ARHGEF33: variants seen among roughly 807,000 people sequenced by gnomAD.
ARHGEF33 encodes DH and coiled-coil domain-containing protein ENSP00000381780.
In ARHGEF33, 72 loss-of-function variants were observed where a neutral mutation model predicts 101.9. That is an observed-to-expected ratio of 0.71 (90% CI 0.58 to 0.86). The LOEUF is 0.86. ARHGEF33 is among the 40% of genes least tolerant of loss of function. The pLI is 0.00. For missense variants in ARHGEF33, 1,169 were observed against 1,111.3 expected (o/e 1.05, Z -0.74); for synonymous variants, 499 against 442.5 (o/e 1.13, Z -1.60).
At chr2:38,903,318 T>G (rs1022070239) in intron 2 of ARHGEF33, among the ~76,000 whole-genome samples, 1 of 152,134 alleles carries the variant, frequency 6.6e-6, no homozygotes, top group African/African-American at 2.4e-5. Flanking sequence ...ACATCCAGAT[T>G]TATATCACAC....
At chr2:38,904,689 C>T (rs140732207) in intron 2 of ARHGEF33, among the ~76,000 whole-genome samples, 39 of 128,588 alleles carry the variant, frequency 3.0e-4, no homozygotes, top group African/African-American at 1.0e-3. Context: ...GCCAGGGAGA[C>T]GGAGCGAGAC....
intron 2 of ARHGEF33, among the ~76,000 whole-genome samples, chr2:38,916,858 T>C (rs183063751): frequency 1.3e-5 from 2 of 150,898 alleles, no homozygotes; most frequent in Non-Finnish European, 2.9e-5. Flanking sequence ...AGGAGTACAA[T>C]GGCACGAGCT....
At chr2:38,894,503 CAAA>C (rs1666078545) in intron 1 of ARHGEF33, among the ~76,000 whole-genome samples, 1 of 151,444 alleles carries the variant, frequency 6.6e-6, no homozygotes, top group Non-Finnish European at 1.5e-5. Flanking sequence ...AACAAACAAA[CAAA>C]CAAGCCCACA....
At chr2:38,922,916 A>C (rs1299490350) in intron 4 of ARHGEF33, among the ~76,000 whole-genome samples, 1 of 152,064 alleles carries the variant, frequency 6.6e-6, no homozygotes, top group African/African-American at 2.4e-5. Context: ...GAAGCAAAAA[A>C]CTGGTCTTCA....
intron 2 of ARHGEF33, among the ~76,000 whole-genome samples, chr2:38,910,343 G>C (rs1410765613): frequency 6.6e-6 from 1 of 152,232 alleles, no homozygotes; most frequent in Non-Finnish European, 1.5e-5. Flanking sequence ...GGCCAAGGCA[G>C]GTGGATTGCC....
chr2:38,945,960 T>C (rs1406402088), intron 10 of ARHGEF33, among the ~76,000 whole-genome samples: 1 of 152,202 alleles, frequency 6.6e-6, no homozygotes, highest in East Asian at 1.9e-4. Flanking sequence ...TGTGCTCTTA[T>C]ACATCATACC....
chr2:38,921,307 C>A, intron 3 of ARHGEF33, 67 bp from the exon 4 acceptor site: 1 of 946,440 alleles, frequency 1.1e-6, no homozygotes, highest in Non-Finnish European at 1.7e-6. Flanking sequence ...TTATTCCCTG[C>A]ATGTATCTGG....
At chr2:38,944,472 T>C (rs530886920) in intron 10 of ARHGEF33, among the ~76,000 whole-genome samples, 2 of 152,212 alleles carry the variant, frequency 1.3e-5, no homozygotes, top group East Asian at 3.9e-4. Flanking sequence ...ACACCCACCA[T>C]AGGCTCCACC....
At position 38,930,960 on chromosome 2, in the gene ARHGEF33, T is replaced by C. The variant is rs1666985758; in HGVS notation, c.363-149T>C. Reference sequence around the variant, plus strand: ...AGTTGAACCATATGAATTGCTAGTATTTGACCACTTTTAATTTTCAAAAAT... The same window carrying C: ...AGTTGAACCATATGAATTGCTAGTACTTGACCACTTTTAATTTTCAAAAAT... On this transcript the variant is annotated intron_variant, in intron 6 of 17. Coordinates refer to ENST00000409978, the MANE Select transcript of ARHGEF33 (RefSeq NM_001145451.5). The C allele has an allele frequency of 7.1e-6, 4 of 560,822 alleles. No individual in the cohort carries two copies. In the East Asian group the frequency reaches 1.2e-4, roughly 17 times the overall value. The allele number at this position is 560,822 out of a possible 1,614,324, so 34.7% of individuals were successfully genotyped here.
Position 38,927,402 on chromosome 2 carries a change from A to T in ARHGEF33, c.76-1505A>T, listed in dbSNP as rs1039007773. On this transcript the variant is annotated intron_variant, in intron 4 of 17. Transcript: ENST00000409978. ...ACTTTAGTTTTCATTCCTTTAAAGT[A>T]AAAATACTTGAGGCCGGGCACAGTG... Among the ~76,000 whole-genome samples, 3 of 152,230 alleles carry T rather than the reference A, an allele frequency of 2.0e-5. No homozygotes were observed. In the East Asian group the frequency reaches 5.8e-4, roughly 29 times the overall value.
intron 11 of ARHGEF33, among the ~76,000 whole-genome samples, chr2:38,952,721 C>T (rs746852621): frequency 1.9e-4 from 29 of 150,742 alleles, no homozygotes; most frequent in South Asian, 2.1e-4. Flanking sequence ...TTTTTTGAGC[C>T]GGAGTCTCAC....
chr2:38,942,005 AT>A (rs70954774), intron 9 of ARHGEF33, among the ~76,000 whole-genome samples: 7,493 of 147,978 alleles, frequency 0.051, 349 homozygotes, highest in African/African-American at 0.13. Flanking sequence ...ATGTCTTGGG[AT>A]TTTTTTTTTT....
rs1286292674 is a variant in ARHGEF33, at chr2:38,953,146, TG to T, written c.1054-15del. ...TTTTCAGGTTCTTACCATGCATTTT[TG>T]TGTTTGTTTTAAAGAATAATTTCTT... On this transcript the variant is annotated splice_polypyrimidine_tract_variant and intron_variant, in intron 11 of 17. Transcript: ENST00000409978. 7 of 1,276,676 alleles carry T rather than the reference TG, an allele frequency of 5.5e-6. No individual in the cohort carries two copies. The Admixed American group carries it at 5.9e-5, about 11-fold the overall frequency. The allele number at this position is 1,276,676 out of a possible 1,614,324, so 79.1% of individuals were successfully genotyped here.
chr2:38,902,613 T>C (rs1192145412), intron 2 of ARHGEF33, among the ~76,000 whole-genome samples: 1 of 152,210 alleles, frequency 6.6e-6, no homozygotes, highest in Non-Finnish European at 1.5e-5. Context: ...CAAGTAGTTA[T>C]GGTGGGTGCA....
chr2:38,914,664 CAAAAAAAA>C, intron 2 of ARHGEF33, among the ~76,000 whole-genome samples: 1 of 95,916 alleles, frequency 1.0e-5, no homozygotes, highest in South Asian at 3.5e-4. Flanking sequence ...GACTCCATCT[CAAAAAAAA>C]AAAAAAAAAA....
Position 38,957,058 on chromosome 2 carries a change from G to C in ARHGEF33, c.1370+11G>C. 6.4e-7 allele frequency: 1 copy of C among 1,551,672 alleles called. No homozygotes were observed. The highest frequency in any genetic ancestry group is 8.7e-7 in the Non-Finnish European group (1 of 1,147,006). On this transcript the variant is annotated intron_variant, in intron 14 of 17. Transcript: ENST00000409978. Reference sequence around the variant, plus strand: ...GAAAAAGCTCAAGAAGTAAGGTTCTGATGGTGTGGTCTAGAGGGTCGAAGA... The same window carrying C: ...GAAAAAGCTCAAGAAGTAAGGTTCTCATGGTGTGGTCTAGAGGGTCGAAGA...
rs11902585 is a variant in ARHGEF33, at chr2:38,938,174, G to A, written c.790+615G>A. Among the ~76,000 whole-genome samples, 609 of 152,092 alleles carry A rather than the reference G, an allele frequency of 4.0e-3. 8 individuals carry two copies. The highest frequency in any genetic ancestry group is 0.01 in the Middle Eastern group (3 of 294). ...GTACTTGCTTCCATGTTTTCTTTTC[G>A]GGGGCATGGGGGAGGGAGAATGGCA... On this transcript the variant is annotated intron_variant, in intron 9 of 17. Coordinates refer to ENST00000409978, the MANE Select transcript of ARHGEF33 (RefSeq NM_001145451.5).
chr2:38,924,048 A>T (rs571317829), intron 4 of ARHGEF33, among the ~76,000 whole-genome samples: 1 of 152,306 alleles, frequency 6.6e-6, no homozygotes, highest in South Asian at 2.1e-4. Flanking sequence ...CACAACAAAT[A>T]TTTCAAAGGT....
intron 4 of ARHGEF33, 125 bp from the exon 5 acceptor site, chr2:38,928,782 C>A: frequency 1.2e-6 from 1 of 834,910 alleles, no homozygotes; most frequent in Non-Finnish European, 1.8e-6. Flanking sequence ...GTGAAGTACA[C>A]TAGTAAATGA....
Sources: gnomAD v4.1 joint callset for allele counts (sites outside exome capture counted in the v4.1 genomes callset) on GRCh38, gnomAD v4.1.1 for gene constraint, MANE v1.5 for transcripts, NCBI Gene and HGNC (gene_info 2026-07-23, HGNC 2026-07-21) for gene names.